The following MAPRE2 variants were observed in gnomAD, a reference collection of about 807,000 sequenced individuals.
The protein encoded by MAPRE2 is microtubule associated protein RP/EB family member 2.
MAPRE2 carries 13 observed loss-of-function variants against 43.2 expected under a neutral mutation model. The observed-to-expected ratio is 0.30, with a 90% confidence interval of 0.20 to 0.48. The LOEUF (loss-of-function observed/expected upper bound fraction) is 0.48, where lower values mean the gene tolerates loss of function less well. Ranked by LOEUF, MAPRE2 falls within the 20% of genes least tolerant of loss-of-function variation. The probability of loss-of-function intolerance (pLI) is 0.99; values close to 1 mark genes in which losing one functional copy is unlikely to be tolerated. For synonymous variants in MAPRE2, 135 were observed against 148.8 expected, an observed-to-expected ratio of 0.91 and a Z score of 0.68; for missense variants, 161 against 400.2, an observed-to-expected ratio of 0.40 and a Z score of 5.10.
chr18:35,004,560 T>C (rs2097030871), intron 1 of MAPRE2, among the ~76,000 whole-genome samples: 2 of 152,326 alleles, frequency 1.3e-5, no homozygotes, highest in South Asian at 4.1e-4. Flanking sequence ...CCCTCATCAG[T>C]TTACTGTCTT....
intron 4 of MAPRE2, among the ~76,000 whole-genome samples, chr18:35,108,274 A>T (rs1237914384): frequency 3.3e-5 from 5 of 152,176 alleles, no homozygotes; most frequent in Non-Finnish European, 5.9e-5. Flanking sequence ...TTCCAGCTTT[A>T]TCCACATCCC....
At chr18:35,052,853 T>A (rs1435722613) in intron 1 of MAPRE2, among the ~76,000 whole-genome samples, 1 of 152,238 alleles carries the variant, frequency 6.6e-6, no homozygotes, top group East Asian at 1.9e-4. Context: ...TTTGTGTGTC[T>A]TCTGTAGTAA....
chr18:35,064,210 A>C (rs987565667), intron 1 of MAPRE2, among the ~76,000 whole-genome samples: 1 of 148,844 alleles, frequency 6.7e-6, no homozygotes, highest in African/African-American at 2.5e-5. Flanking sequence ...AAAAAAAAAA[A>C]TCAAAATAGG....
chr18:35,040,553 T>C (rs965138044), upstream of MAPRE2, among the ~76,000 whole-genome samples: 15 of 152,250 alleles, frequency 9.9e-5, no homozygotes, highest in Admixed American at 9.8e-4. Flanking sequence ...ACATAGCCAA[T>C]ATATTTGAAA....
intron 4 of MAPRE2, among the ~76,000 whole-genome samples, chr18:35,102,838 T>G (rs1016470496): frequency 2.5e-4 from 38 of 152,212 alleles, no homozygotes; most frequent in Admixed American, 2.5e-3. Flanking sequence ...ATTGGGTCAT[T>G]ATTAGAAACA....
At chr18:35,057,444 T>C (rs1906290088) in intron 1 of MAPRE2, among the ~76,000 whole-genome samples, 1 of 152,018 alleles carries the variant, frequency 6.6e-6, no homozygotes, top group South Asian at 2.1e-4. Flanking sequence ...GTTGTAACTT[T>C]ACGTTTGACC....
At chr18:35,027,050 G>A (rs1385673601) in intron 2 of MAPRE2, among the ~76,000 whole-genome samples, 1 of 152,162 alleles carries the variant, frequency 6.6e-6, no homozygotes, top group East Asian at 1.9e-4. Context: ...CTCCGAAGTT[G>A]AACATTCATT....
chr18:35,006,002 A>G (rs2097031681), intron 2 of MAPRE2, among the ~76,000 whole-genome samples: 1 of 152,208 alleles, frequency 6.6e-6, no homozygotes, highest in Non-Finnish European at 1.5e-5. Flanking sequence ...TGTGACAGAG[A>G]TGACGAACCT....
At chr18:35,089,049 T>C (rs1290458798) in intron 2 of MAPRE2, among the ~76,000 whole-genome samples, 1 of 152,226 alleles carries the variant, frequency 6.6e-6, no homozygotes, top group South Asian at 2.1e-4. Flanking sequence ...TGAATGATAC[T>C]GGAGCATATT....
At chr18:35,035,858 C>G (rs1226484034) in intron 2 of MAPRE2, among the ~76,000 whole-genome samples, 1 of 133,954 alleles carries the variant, frequency 7.5e-6, no homozygotes, top group African/African-American at 2.8e-5. Flanking sequence ...TCTTCTCTTT[C>G]CCCCTGAATG....
chr18:35,098,708 T>A (rs1908538419), intron 3 of MAPRE2, among the ~76,000 whole-genome samples: 1 of 152,370 alleles, frequency 6.6e-6, no homozygotes, highest in East Asian at 1.9e-4. Flanking sequence ...TGTGTCTTTT[T>A]CATTCATTTC....
At chr18:35,084,575 G>A (rs778649926) in intron 2 of MAPRE2, among the ~76,000 whole-genome samples, 2 of 152,186 alleles carry the variant, frequency 1.3e-5, no homozygotes, top group Non-Finnish European at 2.9e-5. Context: ...CAAGAAAAGA[G>A]ATGAAAATGT....
chr18:35,039,852 C>T (rs1281049019), upstream of MAPRE2, among the ~76,000 whole-genome samples: 1 of 152,182 alleles, frequency 6.6e-6, no homozygotes, highest in African/African-American at 2.4e-5. Flanking sequence ...ATCTTTTACA[C>T]CCCAATTCTT....
chr18:35,016,309 T>G (rs926613518), intron 2 of MAPRE2, among the ~76,000 whole-genome samples: 4 of 151,692 alleles, frequency 2.6e-5, no homozygotes, highest in African/African-American at 4.8e-5. Context: ...TCCTTTGAGA[T>G]ATATATATAT....
intron 4 of MAPRE2, among the ~76,000 whole-genome samples, chr18:35,122,943 A>G (rs546604673): frequency 1.3e-5 from 2 of 152,366 alleles, no homozygotes; most frequent in Non-Finnish European, 2.9e-5. Flanking sequence ...AGGGGAAGAA[A>G]ACAAAACAAA....
intron 2 of MAPRE2, among the ~76,000 whole-genome samples, chr18:35,006,239 A>G (rs937940827): frequency 6.6e-6 from 1 of 152,202 alleles, no homozygotes; most frequent in Non-Finnish European, 1.5e-5. Context: ...TTCACACAGA[A>G]TAGTCTCACA....
chr18:35,078,446 A>C (rs1390454796), intron 2 of MAPRE2, among the ~76,000 whole-genome samples: 1 of 152,092 alleles, frequency 6.6e-6, no homozygotes, highest in Non-Finnish European at 1.5e-5. Flanking sequence ...TCTCTCTGCC[A>C]TTTTCAGTGT....
At chr18:35,027,172 T>C (rs2097045663) in intron 2 of MAPRE2, among the ~76,000 whole-genome samples, 1 of 152,192 alleles carries the variant, frequency 6.6e-6, no homozygotes, top group Admixed American at 6.5e-5. Context: ...ATCTCTCCCA[T>C]CCCACAGGTT....
intron 1 of MAPRE2, among the ~76,000 whole-genome samples, chr18:34,985,351 A>C (rs2097019604): frequency 2.2e-5 from 1 of 44,570 alleles, no homozygotes; most frequent in African/African-American, 1.0e-4. Context: ...ATATTATATT[A>C]TATATATAAT....
Sources: gnomAD v4.1 joint callset for allele counts (sites outside exome capture counted in the v4.1 genomes callset) on GRCh38, gnomAD v4.1.1 for gene constraint, MANE v1.5 for transcripts, NCBI Gene and HGNC (gene_info 2026-07-23, HGNC 2026-07-21) for gene names.